POLR2F: variants seen among roughly 807,000 people sequenced by gnomAD.
The protein encoded by POLR2F is RNA polymerase II, I and III subunit F.
Under a neutral mutation model 22.7 loss-of-function variants are expected in POLR2F, and 12 were observed. The observed-to-expected ratio is 0.53, with a 90% CI of 0.34 to 0.86. The LOEUF (loss-of-function observed/expected upper bound fraction) is 0.86, where lower values mean the gene tolerates loss of function less well. Among genes scored for constraint, POLR2F ranks in the 40% least tolerant of loss-of-function variants. The probability of loss-of-function intolerance (pLI) is 0.02; values close to 1 mark genes in which losing one functional copy is unlikely to be tolerated. For missense variants in POLR2F, 126 were observed against 171.5 expected, an observed-to-expected ratio of 0.73 and a Z score of 1.48; for synonymous variants, 57 against 66.0, an observed-to-expected ratio of 0.86 and a Z score of 0.66.
chr22:37,975,977 A>T (rs536942519), intron 4 of POLR2F, among the ~76,000 whole-genome samples: 1 of 152,004 alleles, frequency 6.6e-6, no homozygotes, highest in East Asian at 1.9e-4. Context: ...GTGCTGGGTC[A>T]TGCCTGTAAT....
intron 1 of POLR2F, among the ~76,000 whole-genome samples, chr22:38,011,635 T>C (rs1475845787): frequency 6.6e-6 from 1 of 152,200 alleles, no homozygotes; most frequent in African/African-American, 2.4e-5. Context: ...TTTATGTCAA[T>C]GCTACATTGA....
chr22:38,024,585 G>C (rs982130512), intron 1 of POLR2F, among the ~76,000 whole-genome samples: 2 of 152,106 alleles, frequency 1.3e-5, no homozygotes, highest in African/African-American at 4.8e-5. Context: ...AGGAGGGCAG[G>C]GGCAGGGACA....
At chr22:38,037,408 G>C (rs1224406298) in intron 5 of POLR2F, among the ~76,000 whole-genome samples, 1 of 151,368 alleles carries the variant, frequency 6.6e-6, no homozygotes, top group East Asian at 1.9e-4. Context: ...AGAGTAGCTG[G>C]GACTACAGGT....
At chr22:38,028,006 G>C (rs1028542086), downstream of POLR2F, among the ~76,000 whole-genome samples, 8 of 152,300 alleles carry the variant, frequency 5.3e-5, no homozygotes, top group Middle Eastern at 3.4e-3. Flanking sequence ...AGATCATCCA[G>C]CTAGCCCTTA....
rs565712106 is a variant in POLR2F at position 37,958,680 on chromosome 22, C to T, written c.91-666C>T. On this transcript the variant is annotated intron_variant, in intron 2 of 4. Coordinates refer to ENST00000442738, the MANE Select transcript of POLR2F (RefSeq NM_021974.5). Reference sequence around the variant, plus strand: ...CATCCTTCTAGGTGAGCTCAAGCCTCATCCCTGGAGTTTTCCTAACCCCCA... The same window carrying T: ...CATCCTTCTAGGTGAGCTCAAGCCTTATCCCTGGAGTTTTCCTAACCCCCA... Among the ~76,000 whole-genome samples, 5 of 152,322 alleles carry T rather than the reference C, an allele frequency of 3.3e-5. No homozygotes were observed. The South Asian group carries it at 1.0e-3, about 32-fold the overall frequency.
At chr22:37,963,613 C>G (rs547626873) in intron 3 of POLR2F, among the ~76,000 whole-genome samples, 1 of 152,262 alleles carries the variant, frequency 6.6e-6, no homozygotes, top group South Asian at 2.1e-4. Flanking sequence ...AAGGATAGCA[C>G]AGGGGGATAG....
In POLR2F at chr22:37,987,488, C is replaced by CG. The variant is rs397947171; in HGVS notation, c.120+1176_120+1177insG. ...ATGGAAGGCTCCGCCTGTGTTCCCC[C>CG]ACTGGGTCCCTGGTCCCTCACCTGT... On this transcript the variant is annotated intron_variant, in intron 1 of 2. Transcript: ENST00000333418. The CG allele has an allele frequency of 3.1e-5, 9 of 292,940 alleles. No individual in the cohort carries two copies. In the African/African-American group the frequency reaches 3.3e-4, roughly 11 times the overall value. The allele number at this position is 292,940 out of a possible 1,614,324, so 18.1% of individuals were successfully genotyped here. A position where few individuals can be genotyped will look rare whatever the true frequency, so the allele number is the denominator to read the frequency against.
At chr22:38,025,928 A>G (rs774653577) in exon 2 of POLR2F, 7 of 698,980 alleles carry the variant, frequency 1.0e-5, no homozygotes, top group African/African-American at 8.8e-5. Context: ...GGAGCGCTCA[A>G]CAGATGCTCT....
chr22:37,956,908 A>G, intron 2 of POLR2F, 66 bp downstream of exon 2: 2 of 1,189,558 alleles, frequency 1.7e-6, no homozygotes, highest in South Asian at 1.2e-5. Context: ...ACAGGTGATG[A>G]TTAGCTGAAT....
At chr22:37,963,136 G>T (rs764829794) in intron 3 of POLR2F, among the ~76,000 whole-genome samples, 1 of 151,774 alleles carries the variant, frequency 6.6e-6, no homozygotes, top group Non-Finnish European at 1.5e-5. Flanking sequence ...ACAGGCACCC[G>T]CCACCACGCC....
Position 37,986,523 on chromosome 22 carries a change from C to A in POLR2F, c.120+211C>A. ...TGCTTCCTCCTTTGCCCTCCTTGGT[C>A]CAGCTGTGCCAGGATGGGGGTGGGG... On this transcript the variant is annotated intron_variant, in intron 1 of 2. Transcript: ENST00000333418. This position sits in a 1 kb window ranked among gnomAD's most constrained non-coding sequence, Gnocchi z 4.7. 8.5e-7 allele frequency: 1 copy of A among 1,181,892 alleles called. No individual in the cohort carries two copies. The highest frequency in any genetic ancestry group is 1.2e-6 in the Non-Finnish European group (1 of 824,204). 73.2% of individuals were successfully genotyped at this position (1,181,892 alleles called of 1,614,324 possible).
At chr22:38,008,722 C>T (rs1368074990) in intron 1 of POLR2F, among the ~76,000 whole-genome samples, 2 of 150,178 alleles carry the variant, frequency 1.3e-5, no homozygotes, top group Non-Finnish European at 3.0e-5. Flanking sequence ...AAAAATTAGC[C>T]AGGCTTGCGC....
upstream of POLR2F, chr22:37,983,228 C>G (rs1932454862): frequency 2.6e-6 from 3 of 1,152,486 alleles, no homozygotes; most frequent in South Asian, 4.0e-5. The surrounding 1 kb of genome is among the most constrained non-coding windows in gnomAD (Gnocchi z 9.5). Flanking sequence ...CACACCTGGT[C>G]TTCCAGCCCT....
intron 1 of POLR2F, among the ~76,000 whole-genome samples, chr22:37,954,764 T>C (rs1931299744): frequency 6.6e-6 from 1 of 152,042 alleles, no homozygotes; most frequent in Non-Finnish European, 1.5e-5. Context: ...AGTCTGAAGA[T>C]AAAAATAAGA....
intron 3 of POLR2F, 76 bp from the exon 4 acceptor site, chr22:37,967,023 C>A: frequency 9.4e-7 from 1 of 1,058,218 alleles, no homozygotes; most frequent in Non-Finnish European, 1.4e-6. Flanking sequence ...ACCAGGATGC[C>A]GTTCCACCCT....
At chr22:38,041,093 C>G in exon 6 of POLR2F, 1 of 1,612,898 alleles carries the variant, frequency 6.2e-7, no homozygotes, top group Non-Finnish European at 8.5e-7. Context: ...AGAGGAGTGA[C>G]TCGCCTGAAG....
rs1344660542 is a variant in POLR2F, at chr22:37,974,749, G to GA, written c.293+7585dup. ...GTCCTGGGGAGGCCTGCCTCATTCT[G>GA]AAAAAACCTTTCCTGTGGAAAGTTC... On this transcript the variant is annotated intron_variant, in intron 4 of 4. Transcript: ENST00000405557. This position sits in a 1 kb window ranked among gnomAD's most constrained non-coding sequence, Gnocchi z 5.4. Among the ~76,000 whole-genome samples the GA allele has an allele frequency of 2.6e-5, 4 of 152,144 alleles. No individual in the cohort carries two copies. Among genetic ancestry groups the GA allele is most frequent in the Admixed American group, 2.6e-4 (4 of 15,266 alleles).
chr22:37,967,697 G>A lies in POLR2F; in HGVS notation c.366G>A (p.Glu122=), dbSNP rs142264994. 3.1e-6 allele frequency: 5 copies of A among 1,613,740 alleles called. No homozygotes were observed. The highest frequency in any genetic ancestry group is 4.2e-6 in the Non-Finnish European group (5 of 1,179,844). The stretch of plus-strand genomic sequence containing the variant: ...GCTATGAAGACTGGGGGGTGGACGA[G>A]CTCATCATCACCGACTGAGCTGGAG... ...DGSYEDWGVD[E]LIITD The change falls in exon 5 of 5, where the codon GAG becomes GAA. Residue 122 remains glutamate (E), a synonymous_variant. Coordinates refer to ENST00000442738, the MANE Select transcript of POLR2F (RefSeq NM_021974.5).
chr22:37,983,120 G>A (rs1191276162), upstream of POLR2F, among the ~76,000 whole-genome samples: 1 of 152,222 alleles, frequency 6.6e-6, no homozygotes, highest in Non-Finnish European at 1.5e-5. This position sits in a 1 kb window ranked among gnomAD's most constrained non-coding sequence, Gnocchi z 9.5. Flanking sequence ...AACCACGAGG[G>A]GGCGCCTTCC....
Sources: gnomAD v4.1 joint callset for allele counts (sites outside exome capture counted in the v4.1 genomes callset) on GRCh38, gnomAD v4.1.1 for gene constraint, Gnocchi (gnomAD v3.1) non-coding constraint, MANE v1.5 for transcripts, NCBI Gene and HGNC (gene_info 2026-07-23, HGNC 2026-07-21) for gene names.